OMA1: variants seen among roughly 807,000 people sequenced by gnomAD.
OMA1 encodes OMA1 zinc metallopeptidase, also known as metalloendopeptidase OMA1, mitochondrial.
OMA1 carries 38 observed loss-of-function variants against 30.9 expected under a neutral mutation model. The ratio of observed to expected loss-of-function variants is 1.23; its 90% CI spans 0.95 to 1.61. The LOEUF (loss-of-function observed/expected upper bound fraction) is 1.61, where lower values mean the gene tolerates loss of function less well. OMA1 is among the 40% of genes most tolerant of loss of function. OMA1 has a pLI of 0.00. For synonymous variants in OMA1, 173 were observed against 121.9 expected, an observed-to-expected ratio of 1.42 and a Z score of -2.76; for missense variants, 461 against 349.2, an observed-to-expected ratio of 1.32 and a Z score of -2.55.
At chr1:58,503,016 T>C (rs1049958914) in intron 8 of OMA1, among the ~76,000 whole-genome samples, 2 of 152,218 alleles carry the variant, frequency 1.3e-5, no homozygotes, top group African/African-American at 2.4e-5. Context: ...AATCAATTCA[T>C]TATTATTTTA....
In OMA1 at chr1:58,532,734, G is replaced by A. The variant is rs566598637; in HGVS notation, c.1011+1219C>T. Among the ~76,000 whole-genome samples the A allele has an allele frequency of 5.9e-5, 9 of 151,938 alleles. No homozygotes were observed. The South Asian group carries it at 1.7e-3, about 28-fold the overall frequency. On this transcript the variant is annotated intron_variant, in intron 5 of 8. Coordinates refer to ENST00000371226, the MANE Select transcript of OMA1 (RefSeq NM_145243.5). ...CTGTACAGACTGAGTCTATGTTGCC[G>A]AGGCCAGTCTCAAACTCCTGGGCTC... is the stretch of plus-strand genomic sequence containing the variant.
intron 8 of OMA1, among the ~76,000 whole-genome samples, chr1:58,496,936 A>G (rs551746954): frequency 6.6e-6 from 1 of 152,294 alleles, no homozygotes; most frequent in South Asian, 2.1e-4. Context: ...GCTGGCCACA[A>G]GGAAGAAAAC....
In OMA1 at chr1:58,534,097, A is replaced by T. The variant is rs769487968; in HGVS notation, c.904-37T>A. The T allele has an allele frequency of 2.1e-4, 183 of 867,348 alleles. 4 individuals carry two copies. In the South Asian group the frequency reaches 2.4e-3, roughly 11 times the overall value. The allele number at this position is 867,348 out of a possible 1,614,324, so 53.7% of individuals were successfully genotyped here. On this transcript the variant is annotated intron_variant, in intron 4 of 8. Coordinates refer to ENST00000371226, the MANE Select transcript of OMA1 (RefSeq NM_145243.5). The stretch of plus-strand genomic sequence containing the variant: ...AGAAAATAATGTAAGCAATTAGAAC[A>T]TCATAAAAAATAAGGACAATAAATT...
chr1:58,533,943 AG>A lies in OMA1; in HGVS notation c.1011+9del. On this transcript the variant is annotated intron_variant, in intron 5 of 8. Transcript: ENST00000371226. ...TTTTCCAAACCTGAACATTCATTTT[AG>A]GTACTTACAGCATGCCCAAGTACTG... is the stretch of plus-strand genomic sequence containing the variant. The A allele has an allele frequency of 1.1e-6, 1 of 870,124 alleles. No individual in the cohort carries two copies. The highest frequency in any genetic ancestry group is 2.0e-6 in the Non-Finnish European group (1 of 499,602). The allele number at this position is 870,124 out of a possible 1,614,324, so 53.9% of individuals were successfully genotyped here. A position where few individuals can be genotyped will look rare whatever the true frequency, so the allele number is the denominator to read the frequency against.
intron 8 of OMA1, among the ~76,000 whole-genome samples, chr1:58,500,189 AT>A (rs913160544): frequency 2.0e-5 from 3 of 151,998 alleles, no homozygotes; most frequent in Non-Finnish European, 2.9e-5. Context: ...GCACCATAAT[AT>A]TTTTTTTAAG....
chr1:58,501,504 G>A (rs1002892368), intron 8 of OMA1, among the ~76,000 whole-genome samples: 3 of 152,018 alleles, frequency 2.0e-5, no homozygotes, highest in South Asian at 2.1e-4. Flanking sequence ...TAAGGCCCAC[G>A]CCCTCCCCCT....
intron 8 of OMA1, among the ~76,000 whole-genome samples, chr1:58,499,477 TATAGATAG>T (rs60917151): frequency 6.2e-4 from 89 of 143,766 alleles, no homozygotes; most frequent in African/African-American, 1.4e-3. Context: ...AAAGCCAGAC[TATAGATAG>T]ATAGATAGAT....
At chr1:58,514,119 T>C (rs1187344098) in intron 7 of OMA1, among the ~76,000 whole-genome samples, 1 of 152,190 alleles carries the variant, frequency 6.6e-6, no homozygotes, top group Non-Finnish European at 1.5e-5. Flanking sequence ...TGGAGGCCTA[T>C]GGTAATTGCA....
In OMA1 at chr1:58,485,228, T is replaced by TAAAAAAAAA. The variant is rs71043289; in HGVS notation, c.1366-4063_1366-4055dup. On this transcript the variant is annotated intron_variant, in intron 8 of 8. Coordinates refer to ENST00000371226, the MANE Select transcript of OMA1 (RefSeq NM_145243.5). ...GTCTAAAAATAAAAGAGTCTACTAC[T>TAAAAAAAAA]AAAAAAAAAAAAAAAAAAAAAAAAA... Among the ~76,000 whole-genome samples the TAAAAAAAAA allele has an allele frequency of 2.4e-3, 101 of 42,048 alleles. 3 individuals carry two copies. Among genetic ancestry groups the TAAAAAAAAA allele is most frequent in the African/African-American group, 9.3e-3 (96 of 10,282 alleles). 27.6% of individuals were successfully genotyped at this position (42,048 alleles called of 152,430 possible).
At chr1:58,494,218 G>T (rs1028250577) in intron 8 of OMA1, among the ~76,000 whole-genome samples, 15 of 152,028 alleles carry the variant, frequency 9.9e-5, no homozygotes, top group East Asian at 1.9e-4. Flanking sequence ...TAGCCATATG[G>T]AGAAAGCTGA....
intron 8 of OMA1, among the ~76,000 whole-genome samples, chr1:58,497,128 A>T (rs1645816029): frequency 6.6e-6 from 1 of 152,222 alleles, no homozygotes; most frequent in South Asian, 2.1e-4. Context: ...ATATATAGAA[A>T]CAAGTTAGAA....
intron 7 of OMA1, among the ~76,000 whole-genome samples, chr1:58,518,142 C>T (rs1187429614): frequency 6.9e-6 from 1 of 144,798 alleles, no homozygotes; most frequent in Non-Finnish European, 1.5e-5. Flanking sequence ...GCTGAGATCG[C>T]GCCATTGCAC....
At chr1:58,488,074 C>G (rs1645607223) in intron 8 of OMA1, among the ~76,000 whole-genome samples, 1 of 152,002 alleles carries the variant, frequency 6.6e-6, no homozygotes, top group Non-Finnish European at 1.5e-5. Context: ...TTTCTTTTCT[C>G]TTTTTCTAAT....
At chr1:58,518,954 A>G (rs1177342945) in intron 7 of OMA1, among the ~76,000 whole-genome samples, 2 of 152,220 alleles carry the variant, frequency 1.3e-5, no homozygotes, top group Non-Finnish European at 2.9e-5. Context: ...CTTGATCATA[A>G]TCACACAGCT....
At chr1:58,517,707 C>A (rs1234273931) in intron 7 of OMA1, among the ~76,000 whole-genome samples, 1 of 152,096 alleles carries the variant, frequency 6.6e-6, no homozygotes, top group African/African-American at 2.4e-5. Flanking sequence ...TAATTACATT[C>A]AATTAATAAA....
chr1:58,528,676 T>C (rs994088433), intron 6 of OMA1, among the ~76,000 whole-genome samples: 3 of 152,192 alleles, frequency 2.0e-5, no homozygotes, highest in African/African-American at 7.2e-5. Context: ...TGAGTAGTGC[T>C]GAGATTGAGA....
chr1:58,481,725 A>G (rs1486162127), intron 8 of OMA1, among the ~76,000 whole-genome samples: 1 of 152,118 alleles, frequency 6.6e-6, no homozygotes, highest in Non-Finnish European at 1.5e-5. Context: ...TGAATCATGG[A>G]GGTGGGTGTT....
chr1:58,483,999 C>G (rs955093732), intron 8 of OMA1, among the ~76,000 whole-genome samples: 15 of 152,128 alleles, frequency 9.9e-5, no homozygotes, highest in Non-Finnish European at 2.2e-4. Flanking sequence ...ATGAGAGATG[C>G]AAAGCAACAA....
chr1:58,506,256 A>C (rs749525027), intron 7 of OMA1, 47 bp from the exon 8 acceptor site: 4 of 812,316 alleles, frequency 4.9e-6, no homozygotes, highest in Non-Finnish European at 8.5e-6. Context: ...AGTTTTGAGG[A>C]TTTTTTAAAA....
Sources: gnomAD v4.1 joint callset for allele counts (sites outside exome capture counted in the v4.1 genomes callset) on GRCh38, gnomAD v4.1.1 for gene constraint, MANE v1.5 for transcripts, NCBI Gene and HGNC (gene_info 2026-07-23, HGNC 2026-07-21) for gene names.